GOLGA3: variants seen among roughly 807,000 people sequenced by gnomAD.
GOLGA3 encodes the protein golgin subfamily A member 3.
A neutral mutation model predicts 169.4 loss-of-function variants in GOLGA3; 75 were observed. The ratio of observed to expected loss-of-function variants is 0.44; its 90% CI spans 0.37 to 0.54. GOLGA3 has a LOEUF of 0.54. GOLGA3 is among the 20% of genes least tolerant of loss of function. The probability of loss-of-function intolerance (pLI) is 0.00; values close to 1 mark genes in which losing one functional copy is unlikely to be tolerated. For synonymous variants in GOLGA3, 824 were observed against 822.4 expected (o/e 1.00, Z -0.03); for missense variants, 1,899 against 1,930.0 (o/e 0.98, Z 0.30).
At chr12:132,774,370 T>A (rs2045100890) in intron 22 of GOLGA3, 50 bp from the exon 23 acceptor site, 4 of 1,595,438 alleles carry the variant, frequency 2.5e-6, no homozygotes, top group Non-Finnish European at 3.4e-6. Flanking sequence ...CTCCCTCGGG[T>A]CAGTCTCACT....
At chr12:132,818,059 C>T (rs1294203697) in intron 2 of GOLGA3, among the ~76,000 whole-genome samples, 2 of 146,196 alleles carry the variant, frequency 1.4e-5, no homozygotes, top group Non-Finnish European at 3.0e-5. Context: ...CCTGTACGCT[C>T]TAACGTGAAC....
At chr12:132,814,528 C>T (rs535770591) in intron 3 of GOLGA3, among the ~76,000 whole-genome samples, 3 of 152,332 alleles carry the variant, frequency 2.0e-5, no homozygotes, top group East Asian at 1.9e-4. Context: ...CGTGGGGTCA[C>T]GAGACCCCGA....
At chr12:132,822,980 G>A (rs1380087370) in intron 1 of GOLGA3, among the ~76,000 whole-genome samples, 1 of 152,208 alleles carries the variant, frequency 6.6e-6, no homozygotes, top group Non-Finnish European at 1.5e-5. Context: ...GCTAGTGAGT[G>A]ACTCTGCCCA....
At chr12:132,803,396 G>A (rs139624216) in intron 7 of GOLGA3, among the ~76,000 whole-genome samples, 11 of 152,306 alleles carry the variant, frequency 7.2e-5, no homozygotes, top group African/African-American at 2.4e-4. Context: ...ACCCAACGAT[G>A]TCTACCAGCC....
chr12:132,816,168 G>A (rs575423667), intron 3 of GOLGA3, among the ~76,000 whole-genome samples: 7 of 152,214 alleles, frequency 4.6e-5, no homozygotes, highest in Admixed American at 2.6e-4. Context: ...ACTGCAGTCC[G>A]GCCTGGGCGA....
chr12:132,819,086 G>T (rs916618568), intron 2 of GOLGA3, among the ~76,000 whole-genome samples: 3 of 152,118 alleles, frequency 2.0e-5, no homozygotes, highest in African/African-American at 7.2e-5. Context: ...AGACATGTGA[G>T]GGGGGAGGGA....
At chr12:132,805,079 T>C (rs1217980570) in intron 6 of GOLGA3, 57 bp from the exon 7 acceptor site, 9 of 1,548,586 alleles carry the variant, frequency 5.8e-6, no homozygotes, top group Non-Finnish European at 7.8e-6. Context: ...TTCCATCCAG[T>C]GTATTAACAG....
At chr12:132,786,895 C>G in intron 13 of GOLGA3, 108 bp from the exon 14 acceptor site, 1 of 765,828 alleles carries the variant, frequency 1.3e-6, no homozygotes, top group Non-Finnish European at 2.2e-6. Flanking sequence ...CAGGCTCGCC[C>G]TGGAGGACTT....
intron 3 of GOLGA3, 134 bp downstream of exon 3, chr12:132,816,406 A>G: frequency 2.5e-6 from 2 of 816,068 alleles, no homozygotes; most frequent in Non-Finnish European, 4.0e-6. Context: ...TCACAGCCCC[A>G]CGTGGGACTC....
chr12:132,813,539 C>T (rs1230997837), intron 3 of GOLGA3, 120 bp from the exon 4 acceptor site: 2 of 577,968 alleles, frequency 3.5e-6, no homozygotes, highest in Non-Finnish European at 6.2e-6. Context: ...AAACAATGCA[C>T]AGCCATCTTG....
At chr12:132,807,331 A>G in intron 5 of GOLGA3, 43 bp from the exon 6 acceptor site, 1 of 1,095,728 alleles carries the variant, frequency 9.1e-7, no homozygotes, top group Non-Finnish European at 1.3e-6. Context: ...AGCCATCCTC[A>G]TTTTCTTTCA....
chr12:132,799,845 C>T (rs1001257997), intron 8 of GOLGA3, among the ~76,000 whole-genome samples: 3 of 152,020 alleles, frequency 2.0e-5, no homozygotes, highest in Non-Finnish European at 2.9e-5. Context: ...GATTCAAGCA[C>T]ATCTCATGCC....
intron 1 of GOLGA3, among the ~76,000 whole-genome samples, chr12:132,827,389 T>C (rs1390394856): frequency 6.6e-6 from 1 of 152,214 alleles, no homozygotes; most frequent in East Asian, 1.9e-4. Flanking sequence ...CTCCACCACT[T>C]ACCTGTGAGA....
chr12:132,774,106 G>A lies in GOLGA3; in HGVS notation c.4307+51C>T, dbSNP rs75861584. 2,445 of 1,497,632 alleles carry A rather than the reference G, an allele frequency of 1.6e-3. 23 individuals carry two copies. The African/African-American group carries it at 0.025, about 15-fold the overall frequency. 92.8% of individuals were successfully genotyped at this position (1,497,632 alleles called of 1,614,324 possible). A position where few individuals can be genotyped will look rare whatever the true frequency, so the allele number is the denominator to read the frequency against. On this transcript the variant is annotated intron_variant, in intron 23 of 23. Transcript: ENST00000450791. ...ACCAGGAGTGCCCTCCCAGGTAAGA[G>A]GGCATTAATCTTTAAGACTAGCTGA...
At chr12:132,810,911 T>C (rs892684078) in intron 4 of GOLGA3, among the ~76,000 whole-genome samples, 1 of 152,224 alleles carries the variant, frequency 6.6e-6, no homozygotes, top group African/African-American at 2.4e-5. Flanking sequence ...TTCCATCCTG[T>C]ACACGTGGCT....
At chr12:132,812,326 C>A (rs1310579338) in intron 4 of GOLGA3, among the ~76,000 whole-genome samples, 1 of 152,106 alleles carries the variant, frequency 6.6e-6, no homozygotes, top group Non-Finnish European at 1.5e-5. Flanking sequence ...CCTGCAGACA[C>A]AACATCCCTT....
At chr12:132,812,015 A>AC (rs1318317949) in intron 4 of GOLGA3, among the ~76,000 whole-genome samples, 2 of 149,394 alleles carry the variant, frequency 1.3e-5, no homozygotes, top group Non-Finnish European at 3.0e-5. Flanking sequence ...AAAAAAAAAA[A>AC]AAAAAAAACA....
chr12:132,826,397 C>T (rs1011572389), intron 1 of GOLGA3, among the ~76,000 whole-genome samples: 5 of 152,104 alleles, frequency 3.3e-5, no homozygotes, highest in Non-Finnish European at 7.4e-5. Flanking sequence ...CAGAGGAGAA[C>T]TGCTGCAGAG....
At position 132,804,802 on chromosome 12, in the gene GOLGA3, T is replaced by A. The variant is rs1949309085; in HGVS notation, c.1511A>T (p.Asp504Val). 1 of 1,614,118 alleles carries A rather than the reference T, an allele frequency of 6.2e-7. No individual in the cohort carries two copies. Among genetic ancestry groups the A allele is most frequent in the Non-Finnish European group, 8.5e-7 (1 of 1,180,042 alleles). Residue 504 changes from aspartate (D) to valine (V), a missense_variant, in exon 7 of 24, where the codon GAC (aspartate) becomes GTC (valine). Transcript: ENST00000450791. This position sits in a 1 kb window ranked among gnomAD's most constrained non-coding sequence, Gnocchi z 4.1. Reference protein sequence around the residue: ...KNASLASSNNDLQVAEEQYQR... With the variant: ...KNASLASSNNVLQVAEEQYQR... ...GTACTGCTCCTCGGCCACCTGCAAG[T>A]CGTTGTTGGACGACGCCAGGCTGGC...
Sources: gnomAD v4.1 joint callset for allele counts (sites outside exome capture counted in the v4.1 genomes callset) on GRCh38, gnomAD v4.1.1 for gene constraint, Gnocchi (gnomAD v3.1) non-coding constraint, MANE v1.5 for transcripts, NCBI Gene and HGNC (gene_info 2026-07-23, HGNC 2026-07-21) for gene names.